PAWR: variants seen among roughly 807,000 people sequenced by gnomAD.
The protein encoded by PAWR is pro-apoptotic WT1 regulator, also known as PRKC apoptosis WT1 regulator protein.
Under a neutral mutation model 32.0 loss-of-function variants are expected in PAWR, and 23 were observed. The ratio of observed to expected loss-of-function variants is 0.72; its 90% CI spans 0.52 to 1.02. The LOEUF (loss-of-function observed/expected upper bound fraction) is 1.02, where lower values mean the gene tolerates loss of function less well. Ranked by LOEUF, PAWR falls within the 50% of genes least tolerant of loss-of-function variation. The pLI, the probability that PAWR is intolerant of heterozygous loss-of-function variation, is 0.00. For missense variants in PAWR, 457 were observed against 437.7 expected (o/e 1.04, Z -0.39); for synonymous variants, 226 against 187.1 (o/e 1.21, Z -1.70).
intron 2 of PAWR, among the ~76,000 whole-genome samples, chr12:79,645,790 T>A (rs1452082830): frequency 1.3e-5 from 2 of 152,218 alleles, no homozygotes; most frequent in Non-Finnish European, 2.9e-5. Context: ...AGCTCCTAAC[T>A]ATAGTGTTTC....
At chr12:79,624,395 C>T (rs1287597016) in intron 2 of PAWR, among the ~76,000 whole-genome samples, 1 of 152,110 alleles carries the variant, frequency 6.6e-6, no homozygotes, top group Non-Finnish European at 1.5e-5. Context: ...CAAGATGAGA[C>T]AAATCATCTT....
At chr12:79,672,997 CTTAATA>C (rs919723252) in intron 2 of PAWR, among the ~76,000 whole-genome samples, 6 of 152,140 alleles carry the variant, frequency 3.9e-5, no homozygotes, top group African/African-American at 1.4e-4. Flanking sequence ...AAAATGATTA[CTTAATA>C]TTATCAAATA....
chr12:79,671,123 T>TAA (rs80196711), intron 2 of PAWR, among the ~76,000 whole-genome samples: 1,121 of 98,936 alleles, frequency 0.011, 28 homozygotes, highest in African/African-American at 0.039. Flanking sequence ...CCTTAGCACT[T>TAA]AAAAAAAAAA....
intron 2 of PAWR, among the ~76,000 whole-genome samples, chr12:79,678,076 C>G (rs1483698926): frequency 6.6e-6 from 1 of 152,176 alleles, no homozygotes; most frequent in Non-Finnish European, 1.5e-5. Flanking sequence ...ATCCTATCCT[C>G]TAGTTTCTTT....
chr12:79,667,340 AAATAAT>A (rs893708151), intron 2 of PAWR, among the ~76,000 whole-genome samples: 1 of 151,942 alleles, frequency 6.6e-6, no homozygotes, highest in African/African-American at 2.4e-5. Flanking sequence ...ATCCTTGTCA[AAATAAT>A]AATAATAATA....
At chr12:79,652,370 A>C (rs1210163237) in intron 2 of PAWR, among the ~76,000 whole-genome samples, 3 of 152,212 alleles carry the variant, frequency 2.0e-5, no homozygotes, top group Non-Finnish European at 4.4e-5. Flanking sequence ...TAATTTACTA[A>C]GTAATACAAA....
chr12:79,672,330 A>G (rs1877944429), intron 2 of PAWR, among the ~76,000 whole-genome samples: 1 of 152,036 alleles, frequency 6.6e-6, no homozygotes, highest in Non-Finnish European at 1.5e-5. Context: ...CTTCTCACCT[A>G]CCCAACTTTT....
At chr12:79,645,483 T>C (rs952612995) in intron 2 of PAWR, among the ~76,000 whole-genome samples, 1 of 152,156 alleles carries the variant, frequency 6.6e-6, no homozygotes, top group Non-Finnish European at 1.5e-5. Context: ...CCAAAGGCCA[T>C]TAGTGCTGTG....
intron 2 of PAWR, among the ~76,000 whole-genome samples, chr12:79,626,644 G>C (rs961418211): frequency 6.6e-5 from 10 of 151,256 alleles, no homozygotes; most frequent in Admixed American, 6.6e-4. Context: ...CAAGGTGCAG[G>C]TTTGTTACAT....
In PAWR at chr12:79,659,004, C is replaced by A. The variant is rs376369575; in HGVS notation, c.516+30725G>T. Among the ~76,000 whole-genome samples the A allele has an allele frequency of 1.1e-4, 17 of 151,558 alleles. No homozygotes were observed. In the East Asian group the frequency reaches 1.2e-3, roughly 10 times the overall value. On this transcript the variant is annotated intron_variant, in intron 2 of 6. Transcript: ENST00000328827. ...AAAAAAAAAAGAAAAAGAAAAAAAA[C>A]CACACACATCTGGCTGGGCACAGAG...
rs1480351537 is a variant in PAWR, at chr12:79,591,124, G to A, written c.*1483C>T. On this transcript the variant is annotated 3_prime_UTR_variant, in exon 7 of 7. Transcript: ENST00000328827. ...AAACCTACATAGGAGCTACAGCCAG[G>A]GAGTTCTTTCTAAGTTCCTCAAGTG... 6.6e-6 allele frequency: 1 copy of A among 152,164 alleles called. No individual in the cohort carries two copies. The highest frequency in any genetic ancestry group is 1.5e-5 in the Non-Finnish European group (1 of 68,042). The allele number at this position is 152,164 out of a possible 1,614,324, so 9.4% of individuals were successfully genotyped here. A position where few individuals can be genotyped will look rare whatever the true frequency, so the allele number is the denominator to read the frequency against.
At chr12:79,622,226 G>T (rs994234205) in intron 2 of PAWR, among the ~76,000 whole-genome samples, 1 of 152,122 alleles carries the variant, frequency 6.6e-6, no homozygotes. Flanking sequence ...CATACTGAAA[G>T]GGGTACCAAG....
intron 4 of PAWR, among the ~76,000 whole-genome samples, chr12:79,612,999 G>C (rs1874511562): frequency 6.6e-6 from 1 of 152,090 alleles, no homozygotes; most frequent in South Asian, 2.1e-4. Context: ...GAGATAATTG[G>C]GTTTAAATGA....
intron 2 of PAWR, among the ~76,000 whole-genome samples, chr12:79,641,051 C>A (rs192454829): frequency 6.6e-6 from 1 of 152,178 alleles, no homozygotes; most frequent in Admixed American, 6.5e-5. Context: ...CCATACAACA[C>A]ACTCATCATT....
At chr12:79,675,856 T>C (rs955093900) in intron 2 of PAWR, among the ~76,000 whole-genome samples, 2 of 152,022 alleles carry the variant, frequency 1.3e-5, no homozygotes, top group African/African-American at 2.4e-5. Context: ...AATCTGCAAA[T>C]GTACCCCCTG....
At chr12:79,613,431 G>A (rs758197752) in intron 4 of PAWR, 144 bp downstream of exon 4, 33 of 422,258 alleles carry the variant, frequency 7.8e-5, no homozygotes, top group Non-Finnish European at 1.3e-4. Context: ...TGATACTCCT[G>A]CTTACAATAT....
chr12:79,654,936 T>C (rs1046512797), intron 2 of PAWR, among the ~76,000 whole-genome samples: 1 of 152,164 alleles, frequency 6.6e-6, no homozygotes, highest in Non-Finnish European at 1.5e-5. Context: ...ACCACTTGGG[T>C]ACTGGGGATT....
At chr12:79,652,195 T>C (rs938381321) in intron 2 of PAWR, among the ~76,000 whole-genome samples, 1 of 152,136 alleles carries the variant, frequency 6.6e-6, no homozygotes, top group African/African-American at 2.4e-5. Flanking sequence ...AATGTAAATA[T>C]ACTTAATGCC....
At position 79,684,774 on chromosome 12, in the gene PAWR, T is replaced by A. The variant is rs1424406259; in HGVS notation, c.516+4955A>T. 3.9e-5 allele frequency among the ~76,000 whole-genome samples: 6 copies of A among 152,234 alleles called. No homozygotes were observed. The East Asian group carries it at 1.2e-3, about 29-fold the overall frequency. On this transcript the variant is annotated intron_variant, in intron 2 of 6. Coordinates refer to ENST00000328827, the MANE Select transcript of PAWR (RefSeq NM_002583.4). The stretch of plus-strand genomic sequence containing the variant: ...TCTCACTTCATCTATGTTCTATAAA[T>A]AGGGCTATTTTTAAATTCCATAGTC...
Sources: allele counts gnomAD v4.1 joint callset (sites outside exome capture counted in the v4.1 genomes callset), GRCh38; gene constraint gnomAD v4.1.1; transcripts MANE v1.5; gene names NCBI Gene and HGNC (gene_info 2026-07-23, HGNC 2026-07-21).